ANO4: variants seen among roughly 807,000 people sequenced by gnomAD.
The protein encoded by ANO4 is anoctamin 4.
A neutral mutation model predicts 141.9 loss-of-function variants in ANO4; 69 were observed. The observed-to-expected ratio is 0.49, with a 90% CI of 0.40 to 0.59. The LOEUF (loss-of-function observed/expected upper bound fraction) is 0.59. Among genes scored for constraint, ANO4 ranks in the 20% least tolerant of loss-of-function variants. The pLI, the probability that ANO4 is intolerant of heterozygous loss-of-function variation, is 0.00. For synonymous variants in ANO4, 350 were observed against 394.3 expected (o/e 0.89, Z 1.33); for missense variants, 894 against 1,162.2 (o/e 0.77, Z 3.36).
At chr12:100,720,082 C>T (rs181702932) in intron 1 of ANO4, among the ~76,000 whole-genome samples, 2 of 152,068 alleles carry the variant, frequency 1.3e-5, no homozygotes, top group South Asian at 4.1e-4. Context: ...CATTAAATAA[C>T]CATGCGCATG....
chr12:100,932,258 T>C (rs1256862081), intron 3 of ANO4, among the ~76,000 whole-genome samples: 3 of 152,144 alleles, frequency 2.0e-5, no homozygotes, highest in African/African-American at 7.2e-5. Context: ...TTTGCTGCAT[T>C]TGGAAAATAG....
chr12:100,841,448 G>A (rs1399443), intron 1 of ANO4, among the ~76,000 whole-genome samples: 126,551 of 152,152 alleles, frequency 0.83, 52,685 homozygotes, highest in Admixed American at 0.87. Context: ...TAAGAAGGCA[G>A]CAAATAAATA....
At chr12:100,818,169 T>A (rs1217339526) in intron 1 of ANO4, among the ~76,000 whole-genome samples, 1 of 151,900 alleles carries the variant, frequency 6.6e-6, no homozygotes, top group Non-Finnish European at 1.5e-5. Context: ...TGGTACTTAA[T>A]TAAAATTATA....
At chr12:101,043,509 A>G (rs370137136) in intron 12 of ANO4, 30 bp from the exon 13 acceptor site, 32 of 1,553,286 alleles carry the variant, frequency 2.1e-5, no homozygotes, top group Non-Finnish European at 2.8e-5. Flanking sequence ...CATGTCATCA[A>G]AAAGCAGTCC....
At chr12:100,718,093 A>G (rs1215684628) in intron 1 of ANO4, among the ~76,000 whole-genome samples, 3 of 152,226 alleles carry the variant, frequency 2.0e-5, no homozygotes, top group Non-Finnish European at 4.4e-5. Context: ...TTTATGAAAA[A>G]GGAAGGCATT....
intron 7 of ANO4, among the ~76,000 whole-genome samples, chr12:100,978,272 C>T (rs186447588): frequency 6.1e-4 from 93 of 152,210 alleles, no homozygotes; most frequent in Admixed American, 2.6e-3. Flanking sequence ...AAGGAAATCA[C>T]GAAGAAAAGA....
intron 3 of ANO4, among the ~76,000 whole-genome samples, chr12:100,752,503 T>C (rs2032426455): frequency 6.6e-6 from 1 of 152,200 alleles, no homozygotes; most frequent in African/African-American, 2.4e-5. Flanking sequence ...CAGATGTCAC[T>C]GCTTACGAAG....
chr12:100,781,775 A>C (rs1411482660), intron 3 of ANO4, among the ~76,000 whole-genome samples: 1 of 152,238 alleles, frequency 6.6e-6, no homozygotes, highest in Non-Finnish European at 1.5e-5. Context: ...CTAATAAAAA[A>C]GACAGCATTT....
chr12:101,110,998 G>C (rs1204869145), intron 23 of ANO4, among the ~76,000 whole-genome samples: 1 of 152,224 alleles, frequency 6.6e-6, no homozygotes, highest in Non-Finnish European at 1.5e-5. Flanking sequence ...ATCAGATGCA[G>C]CTCGCATGAG....
intron 3 of ANO4, among the ~76,000 whole-genome samples, chr12:100,769,100 T>C (rs1020759986): frequency 6.6e-6 from 1 of 152,232 alleles, no homozygotes; most frequent in African/African-American, 2.4e-5. Context: ...AAAAAACCTA[T>C]TCACACAATC....
intron 1 of ANO4, among the ~76,000 whole-genome samples, chr12:100,730,310 C>T (rs1156260586): frequency 6.8e-6 from 1 of 148,148 alleles, no homozygotes; most frequent in Non-Finnish European, 1.5e-5. Context: ...TACCTCCTCC[C>T]CTGCCCCCCA....
At position 100,848,481 on chromosome 12, in the gene ANO4, G is replaced by A. The variant is rs192697373; in HGVS notation, c.-140-53165G>A. On this transcript the variant is annotated intron_variant, in intron 1 of 27. Coordinates refer to ENST00000392977, the MANE Select transcript of ANO4 (RefSeq NM_001286615.2). ...CAAAAATTCTTATTCAATAAGTTTA[G>A]GGTGGGACTGAAAATCAAACTCTTT... 2.1e-4 allele frequency among the ~76,000 whole-genome samples: 32 copies of A among 152,280 alleles called. No individual in the cohort carries two copies. The East Asian group carries it at 3.9e-3, about 18-fold the overall frequency.
chr12:100,947,046 T>C (rs2042755079), intron 5 of ANO4, among the ~76,000 whole-genome samples: 1 of 152,152 alleles, frequency 6.6e-6, no homozygotes, highest in African/African-American at 2.4e-5. Context: ...CATTAAAGTG[T>C]CTTCAAGAAA....
rs760757835 is a variant in ANO4, at chr12:100,730,103, C to T, written c.23-3671C>T. 3.5e-4 allele frequency among the ~76,000 whole-genome samples: 53 copies of T among 152,040 alleles called. 1 individual carries two copies. Among genetic ancestry groups the T allele is most frequent in the Admixed American group, 1.3e-4 (2 of 15,256 alleles). On this transcript the variant is annotated intron_variant, in intron 1 of 29. Transcript: ENST00000644049. ...TGACCTGTCCTATGAAAGTCTTCTT[C>T]CTTCCAAAATCTTATAAGTATAGAT...
chr12:101,099,924 C>A (rs2050128586), intron 22 of ANO4, among the ~76,000 whole-genome samples: 2 of 152,196 alleles, frequency 1.3e-5, no homozygotes, highest in African/African-American at 4.8e-5. Flanking sequence ...GAAGCTATTT[C>A]TCTTAGCACG....
chr12:100,726,190 A>G (rs2031109218), intron 1 of ANO4, among the ~76,000 whole-genome samples: 1 of 152,154 alleles, frequency 6.6e-6, no homozygotes, highest in Non-Finnish European at 1.5e-5. Flanking sequence ...TGAGTTGTGC[A>G]CTTGGGATTT....
At chr12:100,852,953 G>A (rs892936791) in intron 1 of ANO4, among the ~76,000 whole-genome samples, 6 of 152,114 alleles carry the variant, frequency 3.9e-5, no homozygotes, top group Admixed American at 3.9e-4. Context: ...TGGCGCCAGA[G>A]GTATAACCTT....
At chr12:100,871,518 T>C (rs1374677551) in intron 1 of ANO4, among the ~76,000 whole-genome samples, 2 of 152,254 alleles carry the variant, frequency 1.3e-5, no homozygotes, top group African/African-American at 4.8e-5. Context: ...TGGTGGTTTG[T>C]AACCTTTTAC....
intron 17 of ANO4, among the ~76,000 whole-genome samples, chr12:101,088,000 T>C (rs953359373): frequency 1.3e-5 from 2 of 152,182 alleles, no homozygotes; most frequent in African/African-American, 4.8e-5. Context: ...GAGAGCTTCT[T>C]ACATGTAAGT....
Sources: gnomAD v4.1 joint callset for allele counts (sites outside exome capture counted in the v4.1 genomes callset) on GRCh38, gnomAD v4.1.1 for gene constraint, MANE v1.5 for transcripts, NCBI Gene and HGNC (gene_info 2026-07-23, HGNC 2026-07-21) for gene names.